The following SDK1 variants were observed in gnomAD, a reference collection of about 807,000 sequenced individuals.
SDK1 encodes the protein sidekick cell adhesion molecule 1.
SDK1 carries 157 observed loss-of-function variants against 245.5 expected under a neutral mutation model. The observed-to-expected ratio is 0.64, with a 90% CI of 0.56 to 0.73. The LOEUF is 0.73. Ranked by LOEUF, SDK1 falls within the 30% of genes least tolerant of loss-of-function variation. The probability of loss-of-function intolerance (pLI) is 0.00; values close to 1 mark genes in which losing one functional copy is unlikely to be tolerated. For missense variants in SDK1, 3,583 were observed against 3,002.3 expected, an observed-to-expected ratio of 1.19 and a Z score of -4.52; for synonymous variants, 1,647 against 1,278.5, an observed-to-expected ratio of 1.29 and a Z score of -6.15.
rs754564054 is a variant in SDK1, at chr7:3,642,051, G to T, written c.659G>T (p.Arg220Ile). 6.2e-7 allele frequency: 1 copy of T among 1,614,140 alleles called. No homozygotes were observed. Among genetic ancestry groups the T allele is most frequent in the South Asian group, 1.1e-5 (1 of 91,084 alleles). ...CTGCTGCCCATCACCAGCTACCCCA[G>T]ACCTCAAGTGACTTGGTTTAGAGAA... ...LNLLPITSYP[R>I]PQVTWFREGH... The change falls in exon 4 of 45, where the codon AGA becomes ATA. Residue 220 changes from arginine to isoleucine, a missense_variant. By Grantham distance (97) the Arg-to-Ile change is moderately conservative (BLOSUM62 -3). Transcript: ENST00000404826.
intron 1 of SDK1, among the ~76,000 whole-genome samples, chr7:3,529,822 C>T (rs1362440156): frequency 6.6e-6 from 1 of 152,090 alleles, no homozygotes; most frequent in African/African-American, 2.4e-5. Context: ...CACGTGCCTC[C>T]CAAGGAGAAA....
intron 1 of SDK1, among the ~76,000 whole-genome samples, chr7:3,542,311 C>T (rs776697308): frequency 3.3e-5 from 5 of 152,122 alleles, no homozygotes; most frequent in Admixed American, 1.3e-4. Flanking sequence ...ATTTTTCTCC[C>T]CAACAGCAGG....
chr7:4,056,243 T>C (rs750933275), intron 19 of SDK1, among the ~76,000 whole-genome samples: 1 of 152,064 alleles, frequency 6.6e-6, no homozygotes, highest in Non-Finnish European at 1.5e-5. Context: ...AACACATCTT[T>C]GTAAATGTCA....
rs59881746 is a variant in SDK1 at position 4,014,817 on chromosome 7, C to T, written c.2421-2354C>T. Among the ~76,000 whole-genome samples the T allele has an allele frequency of 8.5e-3, 1,287 of 152,218 alleles. 19 individuals carry two copies. The highest frequency in any genetic ancestry group is 0.029 in the African/African-American group (1,219 of 41,520). Reference sequence around the variant, plus strand: ...GCAAGAGGAGGCTGCCCTGCACTTCCGTTATTGACTGTGACCTTCTTAGAC... The same window carrying T: ...GCAAGAGGAGGCTGCCCTGCACTTCTGTTATTGACTGTGACCTTCTTAGAC... On this transcript the variant is annotated intron_variant, in intron 16 of 44. Coordinates refer to ENST00000404826, the MANE Select transcript of SDK1 (RefSeq NM_152744.4).
chr7:3,782,296 C>T (rs979322508), intron 4 of SDK1, among the ~76,000 whole-genome samples: 12 of 152,196 alleles, frequency 7.9e-5, no homozygotes, highest in Admixed American at 6.5e-4. Context: ...TTCTAACAAC[C>T]AGATCTTGTG....
chr7:3,984,329 C>T (rs1284793011), intron 13 of SDK1, among the ~76,000 whole-genome samples: 5 of 152,178 alleles, frequency 3.3e-5, no homozygotes, highest in Non-Finnish European at 5.9e-5. Context: ...AAGAGAAAGG[C>T]AGTCCACCCA....
intron 21 of SDK1, among the ~76,000 whole-genome samples, chr7:4,078,201 C>A (rs74726431): frequency 6.6e-6 from 1 of 152,086 alleles, no homozygotes; most frequent in African/African-American, 2.4e-5. Context: ...CAAGGCTGAA[C>A]GCTTGTAGCT....
intron 1 of SDK1, among the ~76,000 whole-genome samples, chr7:3,335,034 C>T (rs1780163964): frequency 6.6e-6 from 1 of 152,078 alleles, no homozygotes; most frequent in South Asian, 2.1e-4. Flanking sequence ...TCTGTTTTCT[C>T]TGCTTTTAAA....
intron 5 of SDK1, among the ~76,000 whole-genome samples, chr7:3,846,072 C>A (rs1262697920): frequency 6.6e-6 from 1 of 152,094 alleles, no homozygotes. Context: ...CTTGCACATA[C>A]CAGAAGGAAA....
rs564787416 is a variant in SDK1 at position 3,474,504 on chromosome 7, T to G, written c.299-144576T>G. Among the ~76,000 whole-genome samples the G allele has an allele frequency of 6.9e-4, 105 of 152,194 alleles. 2 individuals carry two copies. In the South Asian group the frequency reaches 0.019, roughly 28 times the overall value. On this transcript the variant is annotated intron_variant, in intron 1 of 44. Coordinates refer to ENST00000404826, the MANE Select transcript of SDK1 (RefSeq NM_152744.4). The stretch of plus-strand genomic sequence containing the variant: ...GTCCCTTGGCCTACCCTTGACATGT[T>G]CATTGTTCTTTAATTCCTTTAACAG...
chr7:4,237,591 T>A, intron 41 of SDK1, 56 bp from the exon 42 acceptor site: 1 of 1,605,726 alleles, frequency 6.2e-7, no homozygotes. Context: ...TCGCGGGAGG[T>A]GACTGCAGCT....
chr7:3,797,255 T>G lies in SDK1; in HGVS notation c.714-24195T>G, dbSNP rs538019022. On this transcript the variant is annotated intron_variant, in intron 4 of 44. Transcript: ENST00000404826. ...GCCTCGGCCTCCCAAAGTGCTGGGA[T>G]TATAGGTGTGAGCTGCCACACCCGT... Among the ~76,000 whole-genome samples the G allele has an allele frequency of 2.0e-5, 3 of 152,270 alleles. No individual in the cohort carries two copies. The South Asian group carries it at 6.2e-4, about 32-fold the overall frequency.
At chr7:3,870,578 A>C (rs1042216539) in intron 5 of SDK1, among the ~76,000 whole-genome samples, 8 of 152,330 alleles carry the variant, frequency 5.3e-5, no homozygotes, top group African/African-American at 1.9e-4. Context: ...AGAAAAAAAA[A>C]AGTAAACTTT....
chr7:3,382,760 T>C (rs1197067571), intron 1 of SDK1, among the ~76,000 whole-genome samples: 1 of 152,312 alleles, frequency 6.6e-6, no homozygotes, highest in South Asian at 2.1e-4. Context: ...TCATTACACA[T>C]CTAGTGTCTC....
At chr7:3,772,069 A>C (rs532748960) in intron 4 of SDK1, among the ~76,000 whole-genome samples, 2 of 152,164 alleles carry the variant, frequency 1.3e-5, no homozygotes, top group Non-Finnish European at 2.9e-5. Flanking sequence ...ATTTGTTTGT[A>C]CTGAAGCCTG....
intron 1 of SDK1, among the ~76,000 whole-genome samples, chr7:3,442,849 T>G (rs1780234286): frequency 6.6e-6 from 1 of 152,236 alleles, no homozygotes; most frequent in Admixed American, 6.5e-5. Flanking sequence ...TGTGAATTAC[T>G]TGTTCTACTC....
At position 3,641,981 on chromosome 7, in the gene SDK1, G is replaced by C; in HGVS notation, c.589G>C (p.Asp197His). The stretch of plus-strand genomic sequence containing the variant: ...AGATATGGGAAGTTTCATGGATACG[G>C]ACCAGAGGAAAACAGTTTCTCAAGG... Reference protein sequence around the residue: ...VAYMGSFMDTDQRKTVSQGRA... With the variant: ...VAYMGSFMDTHQRKTVSQGRA... The change falls in exon 4 of 45, where the codon GAC becomes CAC. Residue 197 changes from aspartate to histidine, a missense_variant. Transcript: ENST00000404826. The C allele has an allele frequency of 6.2e-7, 1 of 1,613,940 alleles. No individual in the cohort carries two copies. Among genetic ancestry groups the C allele is most frequent in the Non-Finnish European group, 8.5e-7 (1 of 1,179,930 alleles).
chr7:3,785,243 A>G (rs992271157), intron 4 of SDK1, among the ~76,000 whole-genome samples: 1 of 152,136 alleles, frequency 6.6e-6, no homozygotes, highest in African/African-American at 2.4e-5. Context: ...AAAAGATCTC[A>G]GGCAAGAGGA....
intron 4 of SDK1, among the ~76,000 whole-genome samples, chr7:3,787,633 C>G (rs1692988243): frequency 6.6e-6 from 1 of 152,156 alleles, no homozygotes; most frequent in African/African-American, 2.4e-5. Context: ...GAAGACCATT[C>G]CTTTTTGTTT....
Sources: allele counts gnomAD v4.1 joint callset (sites outside exome capture counted in the v4.1 genomes callset), GRCh38; gene constraint gnomAD v4.1.1; transcripts MANE v1.5; gene names NCBI Gene and HGNC (gene_info 2026-07-23, HGNC 2026-07-21).